Variants in EPS8L1 observed in about 807,000 individuals in gnomAD.
EPS8L1 encodes the protein EPS8 signaling adaptor L1, also known as epidermal growth factor receptor kinase substrate 8-like protein 1.
A neutral mutation model predicts 91.7 loss-of-function variants in EPS8L1; 101 were observed. The observed-to-expected ratio is 1.10, with a 90% CI of 0.94 to 1.30. The LOEUF is 1.30. Ranked by LOEUF, EPS8L1 falls within the 50% of genes most tolerant of loss-of-function variation. EPS8L1 has a pLI of 0.00. For synonymous variants in EPS8L1, 506 were observed against 445.3 expected (o/e 1.14, Z -1.72); for missense variants, 1,114 against 1,017.0 (o/e 1.10, Z -1.30).
In EPS8L1 at chr19:55,081,485, G is replaced by A. The variant is rs752289289; in HGVS notation, c.767G>A (p.Arg256Gln). The A allele has an allele frequency of 3.2e-6, 5 of 1,584,084 alleles. No homozygotes were observed. The highest frequency in any genetic ancestry group is 3.4e-6 in the Non-Finnish European group (4 of 1,165,614). ...GACCTGGCGGTTCTGCAGGCGGAGC[G>A]GGAAGTGGTGAGCCGCTAAGGAAGG... Reference protein sequence around the residue: ...GPDLAVLQAEREVDILNHVFD... With the variant: ...GPDLAVLQAEQEVDILNHVFD... Residue 256 changes from arginine (R) to glutamine (Q), a missense_variant, in exon 8 of 20, where the codon CGG becomes CAG. By Grantham distance (43) the Arg-to-Gln change is conservative (BLOSUM62 1). Transcript: ENST00000201647. The surrounding 1 kb of genome is among the most constrained non-coding windows in gnomAD (Gnocchi z 4.9).
In EPS8L1 at chr19:55,080,787, G is replaced by C. The variant is rs2076239713; in HGVS notation, c.445G>C (p.Glu149Gln). Residue 149 changes from glutamate (E) to glutamine (Q), a missense_variant, in exon 7 of 20, where the codon GAG becomes CAG. By Grantham distance (29) the Glu-to-Gln change is conservative. Coordinates refer to ENST00000201647, the MANE Select transcript of EPS8L1 (RefSeq NM_133180.3). ...GLRLGAELIR[E>Q]DIQGALHNYR... ...TGATTGGCAGGCGGAGCTGATCCGA[G>C]AGGACATCCAGGGGGCTCTGCACAA... 15 of 1,610,654 alleles carry C rather than the reference G, an allele frequency of 9.3e-6. No individual in the cohort carries two copies. The highest frequency in any genetic ancestry group is 2.2e-5 in the South Asian group (2 of 90,690).
chr19:55,082,219 G>A, intron 10 of EPS8L1, 39 bp downstream of exon 10: 2 of 1,594,012 alleles, frequency 1.3e-6, no homozygotes, highest in Non-Finnish European at 1.7e-6. Flanking sequence ...GCGCGGGCAC[G>A]ACGAACCTGT....
chr19:55,077,476 A>C (rs1049864124), intron 2 of EPS8L1, among the ~76,000 whole-genome samples: 4 of 152,000 alleles, frequency 2.6e-5, no homozygotes, highest in Non-Finnish European at 5.9e-5. Flanking sequence ...TCCTCTTCTG[A>C]AGGTCTTATG....
At chr19:55,076,961 G>A (rs2076145397) in intron 2 of EPS8L1, among the ~76,000 whole-genome samples, 1 of 152,178 alleles carries the variant, frequency 6.6e-6, no homozygotes, top group Non-Finnish European at 1.5e-5. Flanking sequence ...AATGAGAGAT[G>A]AGTCAAAATA....
chr19:55,085,977 A>G lies in EPS8L1; in HGVS notation c.1518+4A>G. 6.2e-7 allele frequency: 1 copy of G among 1,611,158 alleles called. No individual in the cohort carries two copies. The highest frequency in any genetic ancestry group is 8.5e-7 in the Non-Finnish European group (1 of 1,177,498). On this transcript the variant is annotated splice_donor_region_variant and intron_variant, in intron 15 of 19. Transcript: ENST00000201647. ...CAAGCAGCGGGACGTACTGGAGGTT[A>G]GAGGAGCGGGAGGCTGAGGGGCAGG...
At chr19:55,076,746 C>T (rs2076142277) in intron 2 of EPS8L1, among the ~76,000 whole-genome samples, 1 of 152,216 alleles carries the variant, frequency 6.6e-6, no homozygotes. Flanking sequence ...TCAGCCCCTC[C>T]TCTGTGACAC....
rs1209712015 is a variant in EPS8L1 at position 55,080,152 on chromosome 19, G to A, written c.303G>A (p.Leu101=). ...ASKEELESYP[L]GAIVRCDAVM... ...AGGAGGAGCTGGAGTCGTACCCACT[G>A]GGCGCCATCGTGCGCTGTGACGCGG... The change falls in exon 6 of 20, where the codon CTG becomes CTA. Residue 101 remains leucine, a synonymous_variant. Transcript: ENST00000201647. 3.6e-5 allele frequency: 55 copies of A among 1,514,814 alleles called. No individual in the cohort carries two copies. Among genetic ancestry groups the A allele is most frequent in the Non-Finnish European group, 4.8e-5 (54 of 1,124,898 alleles). 93.8% of individuals were successfully genotyped at this position (1,514,814 alleles called of 1,614,324 possible).
Position 55,080,119 on chromosome 19 carries a change from C to T in EPS8L1, c.280-10C>T. The stretch of plus-strand genomic sequence containing the variant: ...GGGGCCTCAGTTTACCCCGCCATCC[C>T]ACCCGGCAGGAGGAGCTGGAGTCGT... On this transcript the variant is annotated splice_polypyrimidine_tract_variant and intron_variant, in intron 5 of 19. Coordinates refer to ENST00000201647, the MANE Select transcript of EPS8L1 (RefSeq NM_133180.3). The T allele has an allele frequency of 6.8e-7, 1 of 1,480,150 alleles. No homozygotes were observed. The highest frequency in any genetic ancestry group is 9.0e-7 in the Non-Finnish European group (1 of 1,110,564). The allele number at this position is 1,480,150 out of a possible 1,614,324, so 91.7% of individuals were successfully genotyped here.
At chr19:55,084,164 T>C (rs1315961219) in intron 14 of EPS8L1, 2 of 202,412 alleles carry the variant, frequency 9.9e-6, no homozygotes, top group African/African-American at 4.8e-5. Flanking sequence ...CTGGGAAAGT[T>C]AGGAAGTGGT....
Position 55,081,626 on chromosome 19 carries a change from C to T in EPS8L1, c.774+134C>T, listed in dbSNP as rs2076264120. On this transcript the variant is annotated intron_variant, in intron 8 of 19. Transcript: ENST00000201647. This position sits in a 1 kb window ranked among gnomAD's most constrained non-coding sequence, Gnocchi z 4.9. ...CTGCGTTATGGAAGAGGGGCTGGGT[C>T]GGGGGCGGGGCTTGGTTGTGGGGCG... is the stretch of plus-strand genomic sequence containing the variant. 2 of 1,219,526 alleles carry T rather than the reference C, an allele frequency of 1.6e-6. No individual in the cohort carries two copies. The highest frequency in any genetic ancestry group is 1.0e-6 in the Non-Finnish European group (1 of 961,528). The allele number at this position is 1,219,526 out of a possible 1,614,324, so 75.5% of individuals were successfully genotyped here.
chr19:55,077,994 A>G, intron 2 of EPS8L1, 94 bp from the exon 3 acceptor site: 1 of 900,598 alleles, frequency 1.1e-6, no homozygotes. Flanking sequence ...GCTCCCCATT[A>G]CCTTCGTCAT....
Position 55,079,644 on chromosome 19 carries a change from C to T in EPS8L1, c.118-46C>T, listed in dbSNP as rs1305529601. 8 of 1,588,404 alleles carry T rather than the reference C, an allele frequency of 5.0e-6. No individual in the cohort carries two copies. The South Asian group carries it at 9.1e-5, about 18-fold the overall frequency. On this transcript the variant is annotated intron_variant, in intron 4 of 19. Transcript: ENST00000201647. ...TTATTCTGGGGGATTCTGAGCCCAC[C>T]TGGCATCATCTTGGGCCTCACTGCT...
chr19:55,080,562 G>A lies in EPS8L1; in HGVS notation c.430-210G>A, dbSNP rs367835635. ...ACGAGGTGGGGGCGAGGAACCACCCGGACTGGGTCTCCATGGGCGGGGTCG... is the reference window on the plus strand; with the variant it reads ...ACGAGGTGGGGGCGAGGAACCACCCAGACTGGGTCTCCATGGGCGGGGTCG... On this transcript the variant is annotated intron_variant, in intron 6 of 19. Transcript: ENST00000201647. 3.9e-4 allele frequency: 635 copies of A among 1,610,082 alleles called. 3 individuals are homozygous for A. Among genetic ancestry groups the A allele is most frequent in the Non-Finnish European group, 7.3e-5 (86 of 1,178,546 alleles).
intron 14 of EPS8L1, chr19:55,084,721 T>C (rs1367542309): frequency 6.6e-6 from 1 of 152,216 alleles, no homozygotes; most frequent in Non-Finnish European, 1.5e-5. Context: ...CTGCCTGATA[T>C]CGCAACCCTG....
At chr19:55,076,514 TCGCCTCCTCA>T in intron 2 of EPS8L1, 53 bp downstream of exon 2, 1 of 1,571,586 alleles carries the variant, frequency 6.4e-7, no homozygotes, top group Admixed American at 1.7e-5. Flanking sequence ...CCGCCTCCCC[TCGCCTCCTCA>T]CCCACACCCG....
Position 55,083,818 on chromosome 19 carries a change from G to C in EPS8L1, c.1385+174G>C. On this transcript the variant is annotated intron_variant, in intron 14 of 19. Coordinates refer to ENST00000201647, the MANE Select transcript of EPS8L1 (RefSeq NM_133180.3). The surrounding 1 kb of genome is among the most constrained non-coding windows in gnomAD (Gnocchi z 4.7). ...CGGGGCTGGGAGAGAGGGAGGAGCAGGGTGGGAGGGGGCGGGACCCAGACT... is the reference window on the plus strand; with the variant it reads ...CGGGGCTGGGAGAGAGGGAGGAGCACGGTGGGAGGGGGCGGGACCCAGACT... The C allele has an allele frequency of 1.3e-6, 1 of 753,976 alleles. No homozygotes were observed. The highest frequency in any genetic ancestry group is 2.8e-5 in the East Asian group (1 of 35,244). 46.7% of individuals were successfully genotyped at this position (753,976 alleles called of 1,614,324 possible). A position where few individuals can be genotyped will look rare whatever the true frequency, so the allele number is the denominator to read the frequency against.
Position 55,087,386 on chromosome 19 carries a change from A to T in EPS8L1, c.2036A>T (p.Glu679Val). Reference protein sequence around the residue: ...KEELRAVSPEEGARVYSQVTV... With the variant: ...KEELRAVSPEVGARVYSQVTV... ...GAGCTGCGGGCGGTGAGCCCCGAGGAGGGGGCACGTGTGTACAGCCAGGTC... is the reference window on the plus strand; with the variant it reads ...GAGCTGCGGGCGGTGAGCCCCGAGGTGGGGGCACGTGTGTACAGCCAGGTC... The change falls in exon 19 of 20, where the codon GAG (glutamate) becomes GTG (valine). Residue 679 changes from glutamate (E) to valine (V), a missense_variant. Physicochemically the swap from Glu to Val is moderately radical, Grantham distance 121 (BLOSUM62 -2). Transcript: ENST00000201647. 1 of 1,613,240 alleles carries T rather than the reference A, an allele frequency of 6.2e-7. No homozygotes were observed. The highest frequency in any genetic ancestry group is 8.5e-7 in the Non-Finnish European group (1 of 1,179,594).
Position 55,086,460 on chromosome 19 carries a change from G to C in EPS8L1, c.1719G>C (p.Trp573Cys). Residue 573 changes from tryptophan (W) to cysteine (C), a missense_variant, in exon 17 of 20, where the codon TGG (tryptophan) becomes TGC (cysteine). Physicochemically the swap from Trp to Cys is radical, Grantham distance 215. Coordinates refer to ENST00000201647, the MANE Select transcript of EPS8L1 (RefSeq NM_133180.3). Reference protein sequence around the residue: ...APPPALARPRWDRPRWDSCDS... With the variant: ...APPPALARPRCDRPRWDSCDS... Reference sequence around the variant, plus strand: ...CTCCAGCTCTGGCTCGGCCCCGCTGGGACAGGCCCCGCTGGGACAGCTGCG... The same window carrying C: ...CTCCAGCTCTGGCTCGGCCCCGCTGCGACAGGCCCCGCTGGGACAGCTGCG... The C allele has an allele frequency of 6.4e-7, 1 of 1,552,326 alleles. No homozygotes were observed. Among genetic ancestry groups the C allele is most frequent in the Non-Finnish European group, 8.7e-7 (1 of 1,147,298 alleles).
chr19:55,083,428 G>A lies in EPS8L1; in HGVS notation c.1265G>A (p.Ser422Asn). The A allele has an allele frequency of 1.2e-6, 2 of 1,612,334 alleles. No homozygotes were observed. The highest frequency in any genetic ancestry group is 4.5e-5 in the East Asian group (2 of 44,876). Reference sequence around the variant, plus strand: ...CCCCCATACAGACCCGAGTTCTTCAGCGGCTGGGAGCCGCCGGTCACTGAC... The same window carrying A: ...CCCCCATACAGACCCGAGTTCTTCAACGGCTGGGAGCCGCCGGTCACTGAC... ...EGPPYRPEFF[S>N]GWEPPVTDPQ... Residue 422 changes from serine (S) to asparagine (N), a missense_variant, in exon 13 of 20, where the codon AGC becomes AAC. Coordinates refer to ENST00000201647, the MANE Select transcript of EPS8L1 (RefSeq NM_133180.3). The surrounding 1 kb of genome is among the most constrained non-coding windows in gnomAD (Gnocchi z 4.7).
Sources: gnomAD v4.1 joint callset for allele counts (sites outside exome capture counted in the v4.1 genomes callset) on GRCh38, gnomAD v4.1.1 for gene constraint, Gnocchi (gnomAD v3.1) non-coding constraint, MANE v1.5 for transcripts, NCBI Gene and HGNC (gene_info 2026-07-23, HGNC 2026-07-21) for gene names.